The following SPARCL1 variants were observed in gnomAD, a reference collection of about 807,000 sequenced individuals.
SPARCL1 encodes the protein SPARC-like protein 1.
A neutral mutation model predicts 67.1 loss-of-function variants in SPARCL1; 52 were observed. That is an observed-to-expected ratio of 0.78 (90% confidence interval 0.62 to 0.98). The LOEUF (loss-of-function observed/expected upper bound fraction) is 0.98, where lower values mean the gene tolerates loss of function less well. Ranked by LOEUF, SPARCL1 falls within the 50% of genes least tolerant of loss-of-function variation. The probability of loss-of-function intolerance (pLI) is 0.00; values close to 1 mark genes in which losing one functional copy is unlikely to be tolerated. For synonymous variants in SPARCL1, 226 were observed against 267.8 expected, an observed-to-expected ratio of 0.84 and a Z score of 1.52; for missense variants, 717 against 782.4, an observed-to-expected ratio of 0.92 and a Z score of 1.00.
intron 1 of SPARCL1, among the ~76,000 whole-genome samples, chr4:87,516,085 T>C (rs1271927748): frequency 6.6e-6 from 1 of 152,190 alleles, no homozygotes; most frequent in African/African-American, 2.4e-5. Context: ...CCTAATCTCC[T>C]GGAAAACTCA....
At chr4:87,518,082 T>A (rs1466430614) in intron 1 of SPARCL1, among the ~76,000 whole-genome samples, 1 of 152,258 alleles carries the variant, frequency 6.6e-6, no homozygotes, top group Non-Finnish European at 1.5e-5. Flanking sequence ...GCAAAGTTAC[T>A]TATTATCTAC....
intron 1 of SPARCL1, among the ~76,000 whole-genome samples, chr4:87,506,087 G>A (rs1725060955): frequency 6.6e-6 from 1 of 152,124 alleles, no homozygotes; most frequent in African/African-American, 2.4e-5. Flanking sequence ...ACCAGCTAGG[G>A]ACAAACAAAA....
intron 1 of SPARCL1, among the ~76,000 whole-genome samples, chr4:87,500,917 C>T (rs1255845238): frequency 1.3e-5 from 2 of 152,110 alleles, no homozygotes; most frequent in African/African-American, 4.8e-5. Context: ...CACAGCTGAA[C>T]CAAGTAGTCA....
intron 5 of SPARCL1, among the ~76,000 whole-genome samples, 187 bp downstream of exon 5, chr4:87,491,431 A>T (rs1162602134): frequency 6.6e-6 from 1 of 152,176 alleles, no homozygotes; most frequent in African/African-American, 2.4e-5. Flanking sequence ...AAACACATTT[A>T]CCCATTGTTG....
At chr4:87,477,232 T>G (rs1483648216) in intron 10 of SPARCL1, among the ~76,000 whole-genome samples, 1 of 152,218 alleles carries the variant, frequency 6.6e-6, no homozygotes, top group Non-Finnish European at 1.5e-5. Context: ...GGCCTCTGTT[T>G]AAATTTGCCT....
At chr4:87,482,351 G>A in intron 8 of SPARCL1, 73 bp downstream of exon 8, 1 of 1,524,412 alleles carries the variant, frequency 6.6e-7, no homozygotes, top group Non-Finnish European at 8.9e-7. Context: ...GAGGTAGGTA[G>A]CCCCCCCACC....
At chr4:87,483,978 A>G (rs1413161876) in intron 7 of SPARCL1, among the ~76,000 whole-genome samples, 3 of 152,134 alleles carry the variant, frequency 2.0e-5, no homozygotes, top group Non-Finnish European at 4.4e-5. Flanking sequence ...GATTCTGGGT[A>G]TAAGCCCTTA....
chr4:87,522,683 G>A (rs866734443), intron 1 of SPARCL1, among the ~76,000 whole-genome samples: 1,676 of 102,092 alleles, frequency 0.016, 4 homozygotes, highest in Non-Finnish European at 0.019. Flanking sequence ...ACACACACAC[G>A]CACACACACA....
At chr4:87,494,745 G>C (rs1299163272) in intron 3 of SPARCL1, 147 bp from the exon 4 acceptor site, 3 of 879,300 alleles carry the variant, frequency 3.4e-6, no homozygotes, top group Admixed American at 3.1e-5. Context: ...TGTAGCCACA[G>C]GTTTAAACTG....
intron 1 of SPARCL1, chr4:87,528,437 A>G (rs1316734126): frequency 6.6e-6 from 1 of 152,196 alleles, no homozygotes; most frequent in Non-Finnish European, 1.5e-5. Context: ...AAATGATAGT[A>G]GGAGGCAAAA....
intron 1 of SPARCL1, among the ~76,000 whole-genome samples, chr4:87,516,100 G>A (rs986291836): frequency 6.6e-6 from 1 of 152,134 alleles, no homozygotes; most frequent in African/African-American, 2.4e-5. Context: ...AACTCATTTT[G>A]GGAGCCTTGA....
At chr4:87,475,837 A>G (rs143036455) in intron 10 of SPARCL1, among the ~76,000 whole-genome samples, 3 of 152,338 alleles carry the variant, frequency 2.0e-5, no homozygotes, top group Non-Finnish European at 4.4e-5. Context: ...TTCTCAAAGA[A>G]CTTAAAACAG....
Position 87,493,946 on chromosome 4 carries a change from T to C in SPARCL1, c.854A>G (p.Asn285Ser). The change falls in exon 4 of 11, where the codon AAT (asparagine) becomes AGT (serine). Residue 285 changes from asparagine (N) to serine (S), a missense_variant. Coordinates refer to ENST00000282470, the MANE Select transcript of SPARCL1 (RefSeq NM_004684.6). ...EMEEENASNV[N>S]KHIQETEWQS... ...CCATTCAGTTTCTTGAATGTGCTTA[T>C]TGACGTTCGATGCATTTTCCTCTTC... 6.2e-7 allele frequency: 1 copy of C among 1,614,228 alleles called. No homozygotes were observed. The highest frequency in any genetic ancestry group is 8.5e-7 in the Non-Finnish European group (1 of 1,180,036).
chr4:87,508,893 A>G (rs1483005326), intron 1 of SPARCL1, among the ~76,000 whole-genome samples: 1 of 146,780 alleles, frequency 6.8e-6, no homozygotes, highest in African/African-American at 2.5e-5. Flanking sequence ...ATATAAGTAT[A>G]TATATATATA....
intron 1 of SPARCL1, among the ~76,000 whole-genome samples, chr4:87,520,611 G>C (rs1725772262): frequency 6.6e-6 from 1 of 152,186 alleles, no homozygotes; most frequent in African/African-American, 2.4e-5. Context: ...TCCCCTGCCT[G>C]AAGCCCTTTT....
At chr4:87,496,301 C>A (rs796834334) in intron 2 of SPARCL1, among the ~76,000 whole-genome samples, 19 of 152,280 alleles carry the variant, frequency 1.2e-4, no homozygotes, top group African/African-American at 4.6e-4. Flanking sequence ...CGGCTCACTG[C>A]AACCTCTGCC....
At chr4:87,497,787 G>T (rs1042865545) in intron 2 of SPARCL1, among the ~76,000 whole-genome samples, 1 of 152,144 alleles carries the variant, frequency 6.6e-6, no homozygotes, top group African/African-American at 2.4e-5. Context: ...AGGCAGTCTT[G>T]CTCTGTCACC....
chr4:87,506,668 A>AG (rs1269714301), intron 1 of SPARCL1, among the ~76,000 whole-genome samples: 1 of 152,158 alleles, frequency 6.6e-6, no homozygotes, highest in African/African-American at 2.4e-5. Flanking sequence ...TTCAGACTTG[A>AG]ACGGGAACTA....
chr4:87,520,760 C>G (rs1725779118), intron 1 of SPARCL1, among the ~76,000 whole-genome samples: 1 of 152,156 alleles, frequency 6.6e-6, no homozygotes, highest in Non-Finnish European at 1.5e-5. Context: ...GGAAAAGGGG[C>G]CTGAATATCC....
Sources: allele counts gnomAD v4.1 joint callset (sites outside exome capture counted in the v4.1 genomes callset), GRCh38; gene constraint gnomAD v4.1.1; transcripts MANE v1.5; gene names NCBI Gene and HGNC (gene_info 2026-07-23, HGNC 2026-07-21).